Variants in KCND3 observed in about 807,000 individuals in gnomAD.
The protein encoded by KCND3 is A-type voltage-gated potassium channel KCND3.
Under a neutral mutation model 51.1 loss-of-function variants are expected in KCND3, and 9 were observed. That is an observed-to-expected ratio of 0.18 (90% CI 0.11 to 0.31). The LOEUF is 0.31. Ranked by LOEUF, KCND3 falls within the 10% of genes least tolerant of loss-of-function variation. The probability of loss-of-function intolerance (pLI) is 1.00; values close to 1 mark genes in which losing one functional copy is unlikely to be tolerated. For missense variants in KCND3, 526 were observed against 903.8 expected (o/e 0.58, Z 5.36); for synonymous variants, 349 against 368.0 (o/e 0.95, Z 0.59).
intron 5 of KCND3, among the ~76,000 whole-genome samples, chr1:111,779,963 G>A (rs1008289195): frequency 6.6e-6 from 1 of 152,252 alleles, no homozygotes; most frequent in Non-Finnish European, 1.5e-5. Flanking sequence ...GAAATGGGCT[G>A]TGGAGACGAG....
intron 2 of KCND3, among the ~76,000 whole-genome samples, chr1:111,912,986 C>T (rs958124330): frequency 2.6e-5 from 4 of 152,186 alleles, no homozygotes; most frequent in African/African-American, 9.7e-5. Flanking sequence ...AAAGTCCATA[C>T]TAGTGTACAG....
At position 111,775,618 on chromosome 1, in the gene KCND3, G is replaced by A. The variant is rs1664070326; in HGVS notation, c.*459C>T. Reference sequence around the variant, plus strand: ...CCCATGAATAAATATTATCCATTAAGAGCCTTGAAAAAGGTGCTTAAATAC... The same window carrying A: ...CCCATGAATAAATATTATCCATTAAAAGCCTTGAAAAAGGTGCTTAAATAC... On this transcript the variant is annotated 3_prime_UTR_variant, in exon 8 of 8. Transcript: ENST00000302127. 1 of 201,194 alleles carries A rather than the reference G, an allele frequency of 5.0e-6. No homozygotes were observed. The highest frequency in any genetic ancestry group is 1.0e-5 in the Non-Finnish European group (1 of 96,814). 12.5% of individuals were successfully genotyped at this position (201,194 alleles called of 1,614,324 possible). A position where few individuals can be genotyped will look rare whatever the true frequency, so the allele number is the denominator to read the frequency against.
intron 2 of KCND3, among the ~76,000 whole-genome samples, chr1:111,948,017 G>A (rs776098677): frequency 2.2e-4 from 34 of 152,272 alleles, no homozygotes; most frequent in Non-Finnish European, 4.6e-4. Context: ...CACCTCCGAG[G>A]AGCCCTGTTC....
intron 2 of KCND3, among the ~76,000 whole-genome samples, chr1:111,905,368 G>A (rs1670596835): frequency 6.6e-6 from 1 of 152,230 alleles, no homozygotes; most frequent in Admixed American, 6.5e-5. Context: ...GATCACCACA[G>A]CCCTGTGAGG....
chr1:111,977,403 G>A (rs1351869393), intron 2 of KCND3, among the ~76,000 whole-genome samples: 3 of 152,128 alleles, frequency 2.0e-5, no homozygotes, highest in African/African-American at 7.2e-5. Context: ...AAAGTGAAAT[G>A]CAAATCACCT....
chr1:111,865,318 G>C (rs763445011), intron 2 of KCND3, among the ~76,000 whole-genome samples: 1 of 152,220 alleles, frequency 6.6e-6, no homozygotes, highest in Non-Finnish European at 1.5e-5. Flanking sequence ...ACTACAGTAG[G>C]GGGTAGGTAC....
chr1:111,795,501 T>G (rs1038114625), intron 2 of KCND3, among the ~76,000 whole-genome samples: 8 of 152,222 alleles, frequency 5.3e-5, no homozygotes, highest in African/African-American at 1.7e-4. Flanking sequence ...ATTAGGAAAC[T>G]GAAGCTCAGA....
intron 2 of KCND3, among the ~76,000 whole-genome samples, chr1:111,824,200 A>C (rs535801166): frequency 1.3e-5 from 2 of 151,940 alleles, no homozygotes; most frequent in African/African-American, 4.8e-5. Flanking sequence ...TTTTTGAAGG[A>C]AAGTGGAGAA....
intron 2 of KCND3, among the ~76,000 whole-genome samples, chr1:111,958,369 T>C (rs558875546): frequency 6.6e-6 from 1 of 152,234 alleles, no homozygotes; most frequent in South Asian, 2.1e-4. Flanking sequence ...CTCAGGTCCA[T>C]TCGCAGTGCT....
chr1:111,889,320 C>T (rs1199180799), intron 2 of KCND3, among the ~76,000 whole-genome samples: 2 of 152,198 alleles, frequency 1.3e-5, no homozygotes. Context: ...AAGATGGGAC[C>T]CTGGCACCTG....
chr1:111,815,893 C>A (rs1666067336), intron 2 of KCND3, among the ~76,000 whole-genome samples: 1 of 151,936 alleles, frequency 6.6e-6, no homozygotes, highest in South Asian at 2.1e-4. Context: ...TCCCCCCCCA[C>A]ACAAAAATTC....
intron 2 of KCND3, among the ~76,000 whole-genome samples, chr1:111,913,849 T>C (rs1398082019): frequency 6.6e-6 from 1 of 152,140 alleles, no homozygotes; most frequent in Admixed American, 6.5e-5. Context: ...CAAACCATGA[T>C]AGTGCCACTG....
chr1:111,771,178 AAC>A lies in KCND3; in HGVS notation c.*4897_*4898del, dbSNP rs956935087. On this transcript the variant is annotated 3_prime_UTR_variant, in exon 8 of 8. Coordinates refer to ENST00000302127, the MANE Select transcript of KCND3 (RefSeq NM_001378969.1). ...AATGTCATTCCCACACTTGAGAAAA[AAC>A]ACAGAACATTCTGAATAGAAAACAA... 1.3e-5 allele frequency: 2 copies of A among 152,210 alleles called. No individual in the cohort carries two copies. Among genetic ancestry groups the A allele is most frequent in the African/African-American group, 2.4e-5 (1 of 41,444 alleles). The allele number at this position is 152,210 out of a possible 1,614,324, so 9.4% of individuals were successfully genotyped here. A position where few individuals can be genotyped will look rare whatever the true frequency, so the allele number is the denominator to read the frequency against.
At chr1:111,859,542 T>C (rs1174938346) in intron 2 of KCND3, among the ~76,000 whole-genome samples, 1 of 152,224 alleles carries the variant, frequency 6.6e-6, no homozygotes, top group Non-Finnish European at 1.5e-5. Flanking sequence ...TTGGACATGT[T>C]TGCCTTCTTT....
intron 2 of KCND3, among the ~76,000 whole-genome samples, chr1:111,884,384 C>G (rs887279733): frequency 4.1e-4 from 63 of 152,178 alleles, no homozygotes; most frequent in African/African-American, 1.5e-3. Context: ...GGAGAGCTGC[C>G]CTGCTGTGCC....
At chr1:111,866,565 T>C (rs1365136447) in intron 2 of KCND3, among the ~76,000 whole-genome samples, 5 of 141,954 alleles carry the variant, frequency 3.5e-5, no homozygotes, top group African/African-American at 1.3e-4. Context: ...GTGCCTGACC[T>C]GTTTGTTTCT....
intron 2 of KCND3, among the ~76,000 whole-genome samples, chr1:111,950,823 C>T (rs1369489801): frequency 6.6e-6 from 1 of 152,178 alleles, no homozygotes; most frequent in Non-Finnish European, 1.5e-5. Context: ...AAGTTTCTGG[C>T]CTGGAGGCAG....
intron 2 of KCND3, among the ~76,000 whole-genome samples, chr1:111,885,282 T>C (rs1015960558): frequency 2.0e-5 from 3 of 152,168 alleles, no homozygotes; most frequent in African/African-American, 7.2e-5. Flanking sequence ...ACGTCCACGT[T>C]CACAAACCTC....
chr1:111,875,780 T>C (rs1376808613), intron 2 of KCND3, among the ~76,000 whole-genome samples: 1 of 152,260 alleles, frequency 6.6e-6, no homozygotes, highest in Non-Finnish European at 1.5e-5. Context: ...AAACTAGAAT[T>C]CCATTCTTTC....
Sources: allele counts gnomAD v4.1 joint callset (sites outside exome capture counted in the v4.1 genomes callset), GRCh38; gene constraint gnomAD v4.1.1; transcripts MANE v1.5; gene names NCBI Gene and HGNC (gene_info 2026-07-23, HGNC 2026-07-21).